Variants in UGGT2 observed in about 807,000 individuals in gnomAD.
The protein encoded by UGGT2 is UDP-glucose:glycoprotein glucosyltransferase 2.
Under a neutral mutation model 192.1 loss-of-function variants are expected in UGGT2, and 180 were observed. The ratio of observed to expected loss-of-function variants is 0.94; its 90% CI spans 0.83 to 1.06. The LOEUF (loss-of-function observed/expected upper bound fraction) is 1.06. Among genes scored for constraint, UGGT2 ranks in the 50% least tolerant of loss-of-function variants. The pLI is 0.00. For missense variants in UGGT2, 1,849 were observed against 1,795.7 expected, an observed-to-expected ratio of 1.03 and a Z score of -0.54; for synonymous variants, 580 against 591.0, an observed-to-expected ratio of 0.98 and a Z score of 0.27.
chr13:95,975,699 T>C (rs1265302514), intron 10 of UGGT2, among the ~76,000 whole-genome samples: 1 of 152,156 alleles, frequency 6.6e-6, no homozygotes, highest in Non-Finnish European at 1.5e-5. Flanking sequence ...GAAATTCCAA[T>C]TGATTGGATC....
intron 1 of UGGT2, among the ~76,000 whole-genome samples, chr13:96,035,055 A>G (rs936402371): frequency 6.6e-6 from 1 of 152,186 alleles, no homozygotes; most frequent in Non-Finnish European, 1.5e-5. Context: ...CAAAACTACC[A>G]CTGACATTCT....
intron 38 of UGGT2, among the ~76,000 whole-genome samples, chr13:95,803,694 C>T (rs918180998): frequency 7.2e-5 from 11 of 152,044 alleles, no homozygotes; most frequent in Admixed American, 3.3e-4. Flanking sequence ...AGTTGTACAC[C>T]GTGGGTTAGT....
At chr13:96,038,875 A>G (rs1238854436) in intron 1 of UGGT2, among the ~76,000 whole-genome samples, 1 of 152,198 alleles carries the variant, frequency 6.6e-6, no homozygotes, top group Non-Finnish European at 1.5e-5. Flanking sequence ...AACTTCATTT[A>G]CAAATTTTAT....
At chr13:95,812,919 TA>T (rs35908205) in intron 38 of UGGT2, among the ~76,000 whole-genome samples, 2 of 152,278 alleles carry the variant, frequency 1.3e-5, no homozygotes, top group East Asian at 3.9e-4. Context: ...GTGAATACCC[TA>T]AAAGTGATTG....
rs990600568 is a variant in UGGT2 at position 95,813,428 on chromosome 13, C to T, written c.4529-11616G>A. On this transcript the variant is annotated intron_variant, in intron 38 of 38. Transcript: ENST00000376747. ...GATCTGTGGAAGTTTGACTTCAAAG[C>T]GATGATTTAGGGTATCTGGTAGAAG... Among the ~76,000 whole-genome samples, 5 of 152,004 alleles carry T rather than the reference C, an allele frequency of 3.3e-5. No individual in the cohort carries two copies. The East Asian group carries it at 5.8e-4, about 18-fold the overall frequency.
At chr13:95,946,058 A>T (rs986689720) in intron 15 of UGGT2, among the ~76,000 whole-genome samples, 3 of 136,346 alleles carry the variant, frequency 2.2e-5, no homozygotes, top group Non-Finnish European at 5.1e-5. Flanking sequence ...GACTTATTTT[A>T]TAAGTTATTT....
chr13:95,986,598 C>A (rs1208242787), intron 8 of UGGT2, among the ~76,000 whole-genome samples, 166 bp from the exon 9 acceptor site: 1 of 152,056 alleles, frequency 6.6e-6, no homozygotes, highest in African/African-American at 2.4e-5. Flanking sequence ...GTAAAGTTAT[C>A]ACTTATTTCC....
chr13:96,009,714 A>T (rs2052094664), intron 5 of UGGT2, among the ~76,000 whole-genome samples: 1 of 152,190 alleles, frequency 6.6e-6, no homozygotes, highest in Non-Finnish European at 1.5e-5. Flanking sequence ...AGGCTGAGGC[A>T]GGAGAATTGC....
intron 17 of UGGT2, among the ~76,000 whole-genome samples, chr13:95,932,311 T>TTGTGTG (rs67135742): frequency 0.15 from 21,018 of 139,294 alleles, 1,651 homozygotes; most frequent in Middle Eastern, 0.23. Flanking sequence ...GGTATTTTAT[T>TTGTGTG]TGTGTGTGTG....
At chr13:95,880,393 C>T (rs757125685) in intron 27 of UGGT2, among the ~76,000 whole-genome samples, 1 of 152,194 alleles carries the variant, frequency 6.6e-6, no homozygotes, top group Non-Finnish European at 1.5e-5. Context: ...AATGATAGTA[C>T]ATCTTTTTCT....
intron 5 of UGGT2, among the ~76,000 whole-genome samples, chr13:96,008,465 C>T (rs1048349927): frequency 2.0e-5 from 3 of 152,112 alleles, no homozygotes; most frequent in African/African-American, 7.2e-5. Context: ...CAACATGATT[C>T]CATATCTAGA....
At position 95,894,604 on chromosome 13, in the gene UGGT2, C is replaced by T. The variant is rs781237559; in HGVS notation, c.2813G>A (p.Arg938His). The change falls in exon 24 of 39, where the codon CGT (arginine) becomes CAT (histidine). Residue 938 changes from arginine (R) to histidine (H), a missense_variant. Physicochemically the swap from Arg to His is conservative, Grantham distance 29. Transcript: ENST00000376747. ...VDALMSSVPKRASRYDVTFLR... is the reference protein window; with the variant it reads ...VDALMSSVPKHASRYDVTFLR... ...AAATGTGACATCATATCGAGATGCA[C>T]GCTTAGGCACAGAGGACATAAGGGC... 3.2e-5 allele frequency: 52 copies of T among 1,611,090 alleles called. No individual in the cohort carries two copies. The Middle Eastern group carries it at 1.3e-3, about 41-fold the overall frequency.
At chr13:95,987,694 G>T (rs1258961619) in intron 8 of UGGT2, among the ~76,000 whole-genome samples, 3 of 152,132 alleles carry the variant, frequency 2.0e-5, no homozygotes, top group Non-Finnish European at 2.9e-5. Flanking sequence ...TTTAATGGAT[G>T]TGCATGAAAT....
At chr13:95,918,367 T>C (rs1010634607) in intron 20 of UGGT2, among the ~76,000 whole-genome samples, 1 of 152,146 alleles carries the variant, frequency 6.6e-6, no homozygotes, top group African/African-American at 2.4e-5. Flanking sequence ...AATCTCTGGA[T>C]GCAACTAAAG....
intron 12 of UGGT2, among the ~76,000 whole-genome samples, chr13:95,950,974 G>C (rs1295376628): frequency 6.6e-6 from 1 of 152,106 alleles, no homozygotes; most frequent in East Asian, 1.9e-4. Context: ...AATCCAAGAG[G>C]AAAGGAGAGA....
intron 15 of UGGT2, among the ~76,000 whole-genome samples, chr13:95,944,563 T>G (rs142669589): frequency 6.6e-6 from 1 of 152,044 alleles, no homozygotes; most frequent in African/African-American, 2.4e-5. Flanking sequence ...ACCTCTATGA[T>G]AGTTTGTCAA....
At chr13:95,885,206 G>A (rs938498329) in intron 26 of UGGT2, among the ~76,000 whole-genome samples, 2 of 152,186 alleles carry the variant, frequency 1.3e-5, no homozygotes, top group African/African-American at 4.8e-5. Flanking sequence ...CAGTTTTGCT[G>A]TATTTTAACC....
In UGGT2 at chr13:95,947,179, A is replaced by C. The variant is rs9556512; in HGVS notation, c.1542-7T>G. 626,802 of 1,575,062 alleles carry C rather than the reference A, an allele frequency of 0.4. 127,699 individuals carry two copies. The highest frequency in any genetic ancestry group is 0.44 in the Middle Eastern group (2,604 of 5,886). ...AATGAACACAAAACCAATTCTGGAA[A>C]AAGAAGATGAACAAGGACTGTTATA... On this transcript the variant is annotated splice_region_variant and splice_polypyrimidine_tract_variant and intron_variant, in intron 14 of 38. Transcript: ENST00000376747.
intron 13 of UGGT2, among the ~76,000 whole-genome samples, 169 bp from the exon 14 acceptor site, chr13:95,948,250 C>G (rs1380411261): frequency 6.7e-6 from 1 of 148,156 alleles, no homozygotes; most frequent in Non-Finnish European, 1.5e-5. Context: ...CACACACACA[C>G]ACATATAAAG....
Sources: gnomAD v4.1 joint callset for allele counts (sites outside exome capture counted in the v4.1 genomes callset) on GRCh38, gnomAD v4.1.1 for gene constraint, MANE v1.5 for transcripts, NCBI Gene and HGNC (gene_info 2026-07-23, HGNC 2026-07-21) for gene names.